The following MACROD2 variants were observed in gnomAD, a reference collection of about 807,000 sequenced individuals.
MACROD2 encodes ADP-ribose glycohydrolase MACROD2.
A neutral mutation model predicts 70.4 loss-of-function variants in MACROD2; 36 were observed. The observed-to-expected ratio is 0.51, with a 90% CI of 0.39 to 0.68. The LOEUF (loss-of-function observed/expected upper bound fraction) is 0.68, where lower values mean the gene tolerates loss of function less well. MACROD2 is among the 30% of genes least tolerant of loss of function. MACROD2 has a pLI of 0.00. For missense variants in MACROD2, 496 were observed against 538.4 expected (o/e 0.92, Z 0.78); for synonymous variants, 172 against 178.8 (o/e 0.96, Z 0.30).
At chr20:14,548,296 C>T (rs990114682) in intron 4 of MACROD2, among the ~76,000 whole-genome samples, 1 of 152,152 alleles carries the variant, frequency 6.6e-6, no homozygotes, top group Admixed American at 6.5e-5. Context: ...GATAGTTTTC[C>T]CTCTACCCCA....
chr20:14,538,283 G>A (rs1420250996), intron 4 of MACROD2, among the ~76,000 whole-genome samples: 2 of 152,094 alleles, frequency 1.3e-5, no homozygotes, highest in Non-Finnish European at 2.9e-5. Flanking sequence ...CCCAGCTCTT[G>A]GCCCCAGGGC....
At chr20:14,106,861 A>G (rs1048865009) in intron 3 of MACROD2, among the ~76,000 whole-genome samples, 8 of 152,194 alleles carry the variant, frequency 5.3e-5, no homozygotes, top group Admixed American at 1.3e-4. Flanking sequence ...TGCAAGAACC[A>G]CAGTGTTTTT....
At chr20:15,741,698 T>C (rs2051108943) in intron 8 of MACROD2, among the ~76,000 whole-genome samples, 1 of 152,122 alleles carries the variant, frequency 6.6e-6, no homozygotes, top group Admixed American at 6.6e-5. Context: ...CTGCTTTACT[T>C]CTTCATTTCT....
chr20:14,793,753 C>T (rs1480257012), intron 5 of MACROD2, among the ~76,000 whole-genome samples: 2 of 151,994 alleles, frequency 1.3e-5, no homozygotes, highest in Non-Finnish European at 2.9e-5. Context: ...TCACAGGCTG[C>T]AGGAGGGTCC....
chr20:14,391,126 A>G lies in MACROD2; in HGVS notation c.272-102353A>G, dbSNP rs373437777. 3.7e-4 allele frequency among the ~76,000 whole-genome samples: 56 copies of G among 152,324 alleles called. 1 individual carries two copies. The South Asian group carries it at 9.3e-3, about 25-fold the overall frequency. ...AGCTAGCAATCTCATTACTGGCTAC[A>G]TACTCCCCAAAATATCAGTTGTTCT... On this transcript the variant is annotated intron_variant, in intron 3 of 17. Transcript: ENST00000684519.
chr20:15,976,824 G>A (rs1279670517), intron 13 of MACROD2, among the ~76,000 whole-genome samples: 1 of 152,228 alleles, frequency 6.6e-6, no homozygotes, highest in African/African-American at 2.4e-5. Flanking sequence ...GTAGAGACAG[G>A]TTTAGAGGGC....
intron 7 of MACROD2, among the ~76,000 whole-genome samples, chr20:15,493,146 T>G (rs1474906264): frequency 1.3e-5 from 2 of 152,110 alleles, no homozygotes; most frequent in Non-Finnish European, 2.9e-5. Context: ...GTTTTTAGAT[T>G]TGTGAGTTTC....
intron 5 of MACROD2, among the ~76,000 whole-genome samples, chr20:14,949,424 G>A (rs1451383436): frequency 6.6e-6 from 1 of 152,104 alleles, no homozygotes; most frequent in Non-Finnish European, 1.5e-5. Flanking sequence ...CAGGGTTTTA[G>A]TATTAAATTG....
At chr20:15,242,986 C>T (rs175310) in intron 6 of MACROD2, among the ~76,000 whole-genome samples, 42,747 of 152,064 alleles carry the variant, frequency 0.28, 6,234 homozygotes, top group African/African-American at 0.34. Context: ...GGTGACCCTA[C>T]TGGGAGCTCT....
intron 5 of MACROD2, among the ~76,000 whole-genome samples, chr20:14,804,664 C>A (rs1484508396): frequency 1.3e-5 from 2 of 151,962 alleles, no homozygotes; most frequent in African/African-American, 4.8e-5. Context: ...GATAGTGCTT[C>A]TCCCTTCTAC....
intron 3 of MACROD2, among the ~76,000 whole-genome samples, chr20:14,299,347 T>C (rs1203502288): frequency 6.6e-6 from 1 of 152,178 alleles, no homozygotes; most frequent in East Asian, 1.9e-4. Flanking sequence ...TAAGGCATAT[T>C]GCATGCCTAA....
chr20:14,481,347 T>C (rs1323309605), intron 3 of MACROD2, among the ~76,000 whole-genome samples: 1 of 152,174 alleles, frequency 6.6e-6, no homozygotes, highest in African/African-American at 2.4e-5. Flanking sequence ...TGTCAAAATT[T>C]GGCTAAGGTT....
At chr20:14,820,376 T>TTTG (rs1188842368) in intron 5 of MACROD2, among the ~76,000 whole-genome samples, 1 of 115,880 alleles carries the variant, frequency 8.6e-6, no homozygotes, top group African/African-American at 3.0e-5. Flanking sequence ...TTTTTTTTTT[T>TTTG]GTTTTCTCTG....
intron 5 of MACROD2, among the ~76,000 whole-genome samples, chr20:14,689,706 C>T (rs574364218): frequency 7.2e-5 from 11 of 152,256 alleles, no homozygotes; most frequent in South Asian, 4.1e-4. Context: ...CAAGTCTTCT[C>T]GCCTCACCTC....
intron 6 of MACROD2, among the ~76,000 whole-genome samples, chr20:15,399,569 C>T (rs1159074785): frequency 6.6e-6 from 1 of 152,198 alleles, no homozygotes; most frequent in Non-Finnish European, 1.5e-5. Flanking sequence ...AAGTCATCTC[C>T]TTTTATTTGT....
intron 3 of MACROD2, among the ~76,000 whole-genome samples, chr20:14,190,777 G>A (rs1171627729): frequency 6.4e-5 from 8 of 125,534 alleles, no homozygotes; most frequent in Admixed American, 5.0e-4. Flanking sequence ...GTGCGATCTC[G>A]GCTCACTGCA....
At chr20:15,091,891 A>G (rs1031326723) in intron 5 of MACROD2, among the ~76,000 whole-genome samples, 1 of 152,148 alleles carries the variant, frequency 6.6e-6, no homozygotes, top group African/African-American at 2.4e-5. Context: ...AGTCTTAATC[A>G]AATGCATTTT....
rs1310399902 is a variant in MACROD2, at chr20:15,895,663, G to C, written c.775+9852G>C. On this transcript the variant is annotated intron_variant, in intron 10 of 17. Transcript: ENST00000684519. Reference sequence around the variant, plus strand: ...CTGGTGGCGGCAGCCTGGGCAGGAGGACCACAGCCGCTTATAAAAAACATG... The same window carrying C: ...CTGGTGGCGGCAGCCTGGGCAGGAGCACCACAGCCGCTTATAAAAAACATG... Among the ~76,000 whole-genome samples the C allele has an allele frequency of 5.9e-5, 9 of 152,180 alleles. 1 individual carries two copies. The highest frequency in any genetic ancestry group is 2.2e-4 in the African/African-American group (9 of 41,434).
intron 8 of MACROD2, among the ~76,000 whole-genome samples, chr20:15,848,880 T>C (rs1180318881): frequency 6.6e-6 from 1 of 152,140 alleles, no homozygotes; most frequent in Non-Finnish European, 1.5e-5. Flanking sequence ...TTGGCTACAC[T>C]GATTACAAGC....
Sources: allele counts gnomAD v4.1 joint callset (sites outside exome capture counted in the v4.1 genomes callset), GRCh38; gene constraint gnomAD v4.1.1; transcripts MANE v1.5; gene names NCBI Gene and HGNC (gene_info 2026-07-23, HGNC 2026-07-21).